The following KLHL13 variants were observed in gnomAD, a reference collection of about 807,000 sequenced individuals.
KLHL13 encodes the protein kelch like family member 13.
In KLHL13, 10 loss-of-function variants were observed where a neutral mutation model predicts 37.1. The ratio of observed to expected loss-of-function variants is 0.27; its 90% CI spans 0.17 to 0.46. The LOEUF (loss-of-function observed/expected upper bound fraction) is 0.46. Ranked by LOEUF, KLHL13 falls within the 20% of genes least tolerant of loss-of-function variation. The probability of loss-of-function intolerance (pLI) is 1.00; values close to 1 mark genes in which losing one functional copy is unlikely to be tolerated. For missense variants in KLHL13, 360 were observed against 509.3 expected (o/e 0.71, Z 2.82); for synonymous variants, 163 against 181.2 (o/e 0.90, Z 0.81).
chrX:117,992,234 TAA>T (rs773486522), intron 1 of KLHL13, among the ~76,000 whole-genome samples: 24 of 83,874 alleles, frequency 2.9e-4, no homozygotes, highest in Admixed American at 5.2e-4. Flanking sequence ...AACTGAGATG[TAA>T]AAAAAAAAAA....
intron 1 of KLHL13, among the ~76,000 whole-genome samples, chrX:118,072,097 A>C (rs1324116216): frequency 0.077 from 8,332 of 108,595 alleles, 307 homozygotes; most frequent in Middle Eastern, 0.13. Context: ...AGGCTACAGT[A>C]ACCAAAACAG....
At chrX:117,986,279 G>GCCTA (rs1331486345) in intron 1 of KLHL13, among the ~76,000 whole-genome samples, 1 of 111,952 alleles carries the variant, frequency 8.9e-6, no homozygotes, top group Non-Finnish European at 1.9e-5. Flanking sequence ...GAAATAGCCT[G>GCCTA]TGCAAAGAAA....
chrX:118,078,717 A>G (rs1358977224), intron 1 of KLHL13, among the ~76,000 whole-genome samples: 1 of 112,030 alleles, frequency 8.9e-6, no homozygotes, highest in East Asian at 2.8e-4. Context: ...TAAAGCTACC[A>G]TAAACATTTG....
At chrX:118,033,275 T>C (rs1010301045) in intron 1 of KLHL13, among the ~76,000 whole-genome samples, 3 of 110,540 alleles carry the variant, frequency 2.7e-5, no homozygotes, top group East Asian at 2.8e-4. Context: ...AGAGCAACTC[T>C]AAGACACATA....
At chrX:117,918,556 C>T (rs1485283911) in intron 4 of KLHL13, among the ~76,000 whole-genome samples, 1 of 111,211 alleles carries the variant, frequency 9.0e-6, no homozygotes, top group Non-Finnish European at 1.9e-5. Flanking sequence ...AAACAAGCTC[C>T]AAGACCTCTG....
rs55712712 is a variant in KLHL13, at chrX:118,004,817, T to C, written c.-55-59242A>G. ...TCAAGTTGTATGGGACAAATCAATA[T>C]CAGGTGCCACCTGATAGGATGCAAT... On this transcript the variant is annotated intron_variant, in intron 1 of 6. Coordinates refer to the KLHL13 transcript ENST00000371882. Among the ~76,000 whole-genome samples the C allele has an allele frequency of 5.8e-3, 650 of 111,595 alleles. 7 individuals are homozygous for C. Among genetic ancestry groups the C allele is most frequent in the African/African-American group, 0.02 (625 of 30,682 alleles).
At chrX:118,099,130 T>A (rs1279642512) in intron 1 of KLHL13, among the ~76,000 whole-genome samples, 6 of 109,229 alleles carry the variant, frequency 5.5e-5, no homozygotes, top group African/African-American at 1.7e-4. Context: ...TTTAAAAAAA[T>A]TATACTTTAT....
chrX:117,899,264 A>T (rs773845102), exon 7 of KLHL13: 1 of 1,211,384 alleles, frequency 8.3e-7, no homozygotes, highest in Admixed American at 2.2e-5. Context: ...CCAATGACAT[A>T]GAGCCTTTCT....
At chrX:118,024,270 C>T (rs776452827) in intron 1 of KLHL13, among the ~76,000 whole-genome samples, 2 of 111,979 alleles carry the variant, frequency 1.8e-5, no homozygotes, top group Non-Finnish European at 3.8e-5. Flanking sequence ...CTCTGGTTTG[C>T]GGTCAAGAAT....
chrX:118,008,371 C>A (rs73597404), intron 1 of KLHL13, among the ~76,000 whole-genome samples: 1,988 of 111,992 alleles, frequency 0.018, 31 homozygotes, highest in African/African-American at 0.06. Context: ...CCAAAATAAG[C>A]AGAACTAGCT....
intron 1 of KLHL13, among the ~76,000 whole-genome samples, chrX:117,994,827 T>C (rs2053836345): frequency 8.9e-6 from 1 of 111,944 alleles, no homozygotes; most frequent in African/African-American, 3.3e-5. Flanking sequence ...ATCCCAACAC[T>C]TTGGGAAGCT....
At chrX:118,099,412 T>C (rs1170126641) in intron 1 of KLHL13, among the ~76,000 whole-genome samples, 1 of 111,744 alleles carries the variant, frequency 8.9e-6, no homozygotes, top group Non-Finnish European at 1.9e-5. Context: ...AAGTAAGTAT[T>C]AATATGTGTC....
intron 1 of KLHL13, among the ~76,000 whole-genome samples, chrX:118,057,367 C>T (rs981947937): frequency 1.8e-5 from 2 of 111,967 alleles, no homozygotes; most frequent in Non-Finnish European, 3.8e-5. Flanking sequence ...TAAAATGGAT[C>T]AAAAACCTGT....
chrX:118,019,744 T>C (rs888017537), intron 1 of KLHL13, among the ~76,000 whole-genome samples: 1 of 108,560 alleles, frequency 9.2e-6, no homozygotes, highest in Non-Finnish European at 1.9e-5. Context: ...ATTTATTAAA[T>C]AGGGAATCCT....
chrX:118,058,200 T>C (rs1217440136), intron 1 of KLHL13, among the ~76,000 whole-genome samples: 1 of 111,794 alleles, frequency 8.9e-6, no homozygotes, highest in African/African-American at 3.3e-5. Flanking sequence ...ATATCAATAA[T>C]TGCAGCTCAA....
chrX:117,995,976 A>G (rs1304196290), intron 1 of KLHL13, among the ~76,000 whole-genome samples: 4 of 111,429 alleles, frequency 3.6e-5, no homozygotes, highest in African/African-American at 1.3e-4. Context: ...ATGGGTGTAC[A>G]TTTGTTTGAG....
chrX:118,060,175 T>G lies in KLHL13; in HGVS notation c.-56+56333A>C, dbSNP rs779265029. Among the ~76,000 whole-genome samples the G allele has an allele frequency of 4.3e-3, 486 of 111,830 alleles. 2 individuals carry two copies. Among genetic ancestry groups the G allele is most frequent in the Non-Finnish European group, 7.8e-3 (416 of 53,117 alleles). ...ATGCAATACAGAGGAAGAATACTTATCTCAGCATATTCCCAGGGGACAGGT... is the reference window on the plus strand; with the variant it reads ...ATGCAATACAGAGGAAGAATACTTAGCTCAGCATATTCCCAGGGGACAGGT... On this transcript the variant is annotated intron_variant, in intron 1 of 6. Coordinates refer to the KLHL13 transcript ENST00000371882.
At chrX:118,044,250 G>C (rs767004554) in intron 1 of KLHL13, among the ~76,000 whole-genome samples, 10 of 111,058 alleles carry the variant, frequency 9.0e-5, no homozygotes, top group Non-Finnish European at 1.7e-4. Flanking sequence ...AAAATGGAAA[G>C]ATATTTCATC....
chrX:117,993,894 G>A (rs112034058), intron 1 of KLHL13, among the ~76,000 whole-genome samples: 3,061 of 109,579 alleles, frequency 0.028, 104 homozygotes, highest in African/African-American at 0.096. Flanking sequence ...GTGCCACCAC[G>A]CCCGGCTAAT....
Sources: allele counts gnomAD v4.1 joint callset (sites outside exome capture counted in the v4.1 genomes callset), GRCh38; gene constraint gnomAD v4.1.1; transcripts MANE v1.5; gene names NCBI Gene and HGNC (gene_info 2026-07-23, HGNC 2026-07-21).